BCKDHB: variants seen among roughly 807,000 people sequenced by gnomAD.
BCKDHB encodes branched chain keto acid dehydrogenase E1 subunit beta.
Under a neutral mutation model 48.5 loss-of-function variants are expected in BCKDHB, and 41 were observed. That is an observed-to-expected ratio of 0.85 (90% CI 0.66 to 1.10). The LOEUF (loss-of-function observed/expected upper bound fraction) is 1.10, where lower values mean the gene tolerates loss of function less well. Among genes scored for constraint, BCKDHB ranks in the 50% least tolerant of loss-of-function variants. The pLI is 0.00. For missense variants in BCKDHB, 496 were observed against 494.2 expected, an observed-to-expected ratio of 1.00 and a Z score of -0.03; for synonymous variants, 201 against 174.8, an observed-to-expected ratio of 1.15 and a Z score of -1.18.
Position 80,345,064 on chromosome 6 carries a change from A to G in BCKDHB, c.*1260A>G, listed in dbSNP as rs890631250. 2.6e-5 allele frequency: 4 copies of G among 152,222 alleles called. No homozygotes were observed. Among genetic ancestry groups the G allele is most frequent in the Admixed American group, 2.6e-4 (4 of 15,286 alleles). The allele number at this position is 152,222 out of a possible 1,614,324, so 9.4% of individuals were successfully genotyped here. A position where few individuals can be genotyped will look rare whatever the true frequency, so the allele number is the denominator to read the frequency against. ...TTTTTAACAAGTGAATATTTTTTAC[A>G]TAATGGATAATAAATGGTATTTATT... is the stretch of plus-strand genomic sequence containing the variant. On this transcript the variant is annotated 3_prime_UTR_variant, in exon 10 of 10. Transcript: ENST00000320393.
Position 80,344,050 on chromosome 6 carries a change from GAC to G in BCKDHB, c.*247_*248del. 1.1e-4 allele frequency: 52 copies of G among 493,924 alleles called. No homozygotes were observed. Among genetic ancestry groups the G allele is most frequent in the Non-Finnish European group, 1.8e-4 (48 of 272,728 alleles). 30.6% of individuals were successfully genotyped at this position (493,924 alleles called of 1,614,324 possible). ...GAGTCTCACTCTGTCGCCCAGGCTA[GAC>G]TGCAGTGGTGCAATCTCAGCTCACT... On this transcript the variant is annotated 3_prime_UTR_variant, in exon 10 of 10. Coordinates refer to ENST00000320393, the MANE Select transcript of BCKDHB (RefSeq NM_183050.4).
chr6:80,344,885 A>G lies in BCKDHB; in HGVS notation c.*1081A>G, dbSNP rs1429025702. On this transcript the variant is annotated 3_prime_UTR_variant, in exon 10 of 10. Transcript: ENST00000320393. ...GTTAATTTACATTCCAGTTATTTACATGATAATTCATGACATTCTGAAACT... is the reference window on the plus strand; with the variant it reads ...GTTAATTTACATTCCAGTTATTTACGTGATAATTCATGACATTCTGAAACT... The G allele has an allele frequency of 1.3e-5, 2 of 152,214 alleles. No homozygotes were observed. The highest frequency in any genetic ancestry group is 2.9e-5 in the Non-Finnish European group (2 of 68,040). The allele number at this position is 152,214 out of a possible 1,614,324, so 9.4% of individuals were successfully genotyped here.
chr6:80,167,853 T>C, intron 4 of BCKDHB, 42 bp downstream of exon 4: 1 of 1,594,754 alleles, frequency 6.3e-7, no homozygotes, highest in Non-Finnish European at 8.6e-7. Flanking sequence ...TTCATTGAAA[T>C]ATTCAAGTAT....
downstream of BCKDHB, among the ~76,000 whole-genome samples, chr6:80,350,369 G>A (rs1770358046): frequency 6.7e-6 from 1 of 148,780 alleles, no homozygotes; most frequent in Admixed American, 6.6e-5. Context: ...TAAAATTGAA[G>A]TTTTTTAAAA....
chr6:80,452,507 G>A, the BCKDHB span, among the ~76,000 whole-genome samples: 2 of 152,028 alleles, frequency 1.3e-5, no homozygotes, highest in African/African-American at 4.8e-5. Flanking sequence ...AGAGCTTAAA[G>A]GAGAAAAAAA....
At chr6:80,272,073 G>A (rs986415255) in intron 8 of BCKDHB, among the ~76,000 whole-genome samples, 1 of 151,960 alleles carries the variant, frequency 6.6e-6, no homozygotes, top group South Asian at 2.1e-4. Flanking sequence ...GGTTTGAGTG[G>A]TATTCATTAA....
chr6:80,189,523 C>T (rs1283479076), intron 6 of BCKDHB, among the ~76,000 whole-genome samples: 2 of 152,132 alleles, frequency 1.3e-5, no homozygotes, highest in Non-Finnish European at 2.9e-5. Context: ...AGCTTCCATT[C>T]TTACAGCTAG....
chr6:80,183,482 A>G (rs550595131), intron 6 of BCKDHB, among the ~76,000 whole-genome samples: 2 of 152,290 alleles, frequency 1.3e-5, no homozygotes, highest in East Asian at 3.9e-4. Context: ...AAATTGAGAG[A>G]TAGACATGGA....
chr6:80,260,878 A>C (rs1314488273), intron 8 of BCKDHB, among the ~76,000 whole-genome samples: 1 of 152,224 alleles, frequency 6.6e-6, no homozygotes, highest in Non-Finnish European at 1.5e-5. Flanking sequence ...TATTTGGAAA[A>C]AAAAGATCAT....
the BCKDHB span, among the ~76,000 whole-genome samples, chr6:80,439,782 A>T: frequency 6.6e-6 from 1 of 152,200 alleles, no homozygotes; most frequent in Non-Finnish European, 1.5e-5. Flanking sequence ...TGGGCCTGGG[A>T]TAGAGAATAG....
chr6:80,396,542 G>T, the BCKDHB span, among the ~76,000 whole-genome samples: 1 of 152,118 alleles, frequency 6.6e-6, no homozygotes, highest in Non-Finnish European at 1.5e-5. Flanking sequence ...AGGGATTGGG[G>T]TTGAATAATA....
At chr6:80,117,180 C>G (rs9359409) in intron 1 of BCKDHB, among the ~76,000 whole-genome samples, 55,878 of 152,058 alleles carry the variant, frequency 0.37, 12,275 homozygotes, top group Admixed American at 0.56. Context: ...AATTTTGAAT[C>G]TGTTTGAAAA....
At chr6:80,408,093 C>A in the BCKDHB span, among the ~76,000 whole-genome samples, 1 of 152,110 alleles carries the variant, frequency 6.6e-6, no homozygotes, top group South Asian at 2.1e-4. Flanking sequence ...AAGGCCTTTT[C>A]TGCATCTGTT....
At chr6:80,292,520 C>A (rs965087058) in intron 9 of BCKDHB, among the ~76,000 whole-genome samples, 1 of 152,136 alleles carries the variant, frequency 6.6e-6, no homozygotes, top group Non-Finnish European at 1.5e-5. Flanking sequence ...CCCACCGGGT[C>A]CCTCCCATGA....
chr6:80,215,743 T>C (rs1775141494), intron 8 of BCKDHB, among the ~76,000 whole-genome samples: 2 of 152,174 alleles, frequency 1.3e-5, no homozygotes, highest in South Asian at 4.1e-4. Flanking sequence ...ATGTTATATA[T>C]ATATACTTTT....
At chr6:80,193,063 C>A (rs954315872) in intron 6 of BCKDHB, among the ~76,000 whole-genome samples, 5 of 152,086 alleles carry the variant, frequency 3.3e-5, no homozygotes, top group African/African-American at 1.2e-4. Context: ...CCAAGGTGAT[C>A]TGCCCATCTC....
intron 8 of BCKDHB, among the ~76,000 whole-genome samples, chr6:80,239,178 T>C (rs891572590): frequency 4.6e-5 from 7 of 152,250 alleles, no homozygotes; most frequent in African/African-American, 1.4e-4. Context: ...ATCACCACAC[T>C]GTCTTCTACA....
At chr6:80,154,053 C>T (rs747021546) in intron 3 of BCKDHB, among the ~76,000 whole-genome samples, 23 of 152,122 alleles carry the variant, frequency 1.5e-4, no homozygotes, top group Admixed American at 5.9e-4. Flanking sequence ...CTGTGCCTGT[C>T]GAAATTCTGC....
At chr6:80,111,496 A>G (rs927573079) in intron 1 of BCKDHB, among the ~76,000 whole-genome samples, 1 of 152,108 alleles carries the variant, frequency 6.6e-6, no homozygotes, top group Non-Finnish European at 1.5e-5. Flanking sequence ...CCTTTATCCA[A>G]TTCTCGTTTT....
Sources: gnomAD v4.1 joint callset for allele counts (sites outside exome capture counted in the v4.1 genomes callset) on GRCh38, gnomAD v4.1.1 for gene constraint, MANE v1.5 for transcripts, NCBI Gene and HGNC (gene_info 2026-07-23, HGNC 2026-07-21) for gene names.